Variants in DLL1 observed in about 807,000 individuals in gnomAD.
The protein encoded by DLL1 is delta like canonical Notch ligand 1, also known as delta-like protein 1.
Under a neutral mutation model 75.1 loss-of-function variants are expected in DLL1, and 9 were observed. The ratio of observed to expected loss-of-function variants is 0.12; its 90% CI spans 0.07 to 0.21. The LOEUF (loss-of-function observed/expected upper bound fraction) is 0.21, where lower values mean the gene tolerates loss of function less well. DLL1 is among the 10% of genes least tolerant of loss of function. DLL1 has a pLI of 1.00. For missense variants in DLL1, 837 were observed against 1,007.6 expected (o/e 0.83, Z 2.29); for synonymous variants, 477 against 418.3 (o/e 1.14, Z -1.71).
intron 8 of DLL1, among the ~76,000 whole-genome samples, chr6:170,284,609 T>C (rs2747760): frequency 0.81 from 122,936 of 152,140 alleles, 52,184 homozygotes; most frequent in Non-Finnish European, 0.95. Flanking sequence ...CAAGCTGGAG[T>C]GGCCGGCACC....
In DLL1 at chr6:170,289,686, G is replaced by T; in HGVS notation, c.177C>A (p.Phe59Leu). The T allele has an allele frequency of 6.5e-7, 1 of 1,546,716 alleles. No individual in the cohort carries two copies. The highest frequency in any genetic ancestry group is 2.4e-5 in the East Asian group (1 of 40,888). The change falls in exon 2 of 11, where the codon TTC (phenylalanine) becomes TTA (leucine). Residue 59 changes from phenylalanine (F) to leucine (L), a missense_variant. Phe to Leu is a conservative substitution (Grantham distance 22). This residue lies in a region of DLL1 where 304 missense variants were observed against 461.9 expected (regional missense o/e 0.66). Transcript: ENST00000366756. The stretch of plus-strand genomic sequence containing the variant: ...GGTAGTGCTTGAGGCACACGCGGAA[G>T]AAGGTCCGGCAGGCGCACGGCGGTG... ...AGPPPCACRT[F>L]FRVCLKHYQA...
chr6:170,290,098 G>A lies in DLL1; in HGVS notation c.42C>T (p.Ala14=), dbSNP rs764762347. 26 of 1,590,332 alleles carry A rather than the reference G, an allele frequency of 1.6e-5. No homozygotes were observed. The highest frequency in any genetic ancestry group is 2.1e-5 in the Non-Finnish European group (25 of 1,176,492). The change falls in exon 1 of 11, where the codon GCC becomes GCT. Residue 14 remains alanine (A), a synonymous_variant. Coordinates refer to ENST00000366756, the MANE Select transcript of DLL1 (RefSeq NM_005618.4). The surrounding 1 kb of genome is among the most constrained non-coding windows in gnomAD (Gnocchi z 4.7). ...CCTGCCCGCCTACCTGACACAGCAA[G>A]GCCGAGAGCACCGCCAGGGCCAGCG... is the stretch of plus-strand genomic sequence containing the variant. ...RCALALAVLS[A]LLCQVWSSGV...
At chr6:170,289,179 C>G (rs540095327) in intron 2 of DLL1, 1 of 623,514 alleles carries the variant, frequency 1.6e-6, no homozygotes, top group African/African-American at 1.8e-5. Flanking sequence ...ACCAACGCGT[C>G]TAGGAGTCGG....
At position 170,282,878 on chromosome 6, in the gene DLL1, A is replaced by AC; in HGVS notation, c.2167dup (p.Val723GlyfsTer6). On this transcript the variant is annotated frameshift_variant and splice_region_variant, in exon 11 of 11. Transcript: ENST00000366756. LOFTEE classifies it high-confidence loss of function. ...TCTTGCCATCTCACTTCCATTTTAC[A>AC]CCTGGGGGGCCACAAGACAAATGGG... is the stretch of plus-strand genomic sequence containing the variant. 1 of 1,614,094 alleles carries AC rather than the reference A, an allele frequency of 6.2e-7. No homozygotes were observed. The highest frequency in any genetic ancestry group is 1.1e-5 in the South Asian group (1 of 91,078).
At chr6:170,286,128 T>G (rs935520653) in intron 5 of DLL1, 110 bp downstream of exon 5, 1 of 1,345,924 alleles carries the variant, frequency 7.4e-7, no homozygotes, top group Non-Finnish European at 1.1e-6. Flanking sequence ...TCAATCAATC[T>G]TACTGGAGTT....
intron 2 of DLL1, 152 bp downstream of exon 2, chr6:170,289,360 C>G (rs1307964468): frequency 2.3e-6 from 3 of 1,284,200 alleles, no homozygotes; most frequent in South Asian, 1.3e-5. Flanking sequence ...GGGCTGGAGT[C>G]CTGGGGCCGC....
Position 170,285,645 on chromosome 6 carries a change from G to T in DLL1, c.786C>A (p.Gly262=). 1 of 1,614,094 alleles carries T rather than the reference G, an allele frequency of 6.2e-7. No individual in the cohort carries two copies. The highest frequency in any genetic ancestry group is 8.5e-7 in the Non-Finnish European group (1 of 1,180,036). Reference sequence around the variant, plus strand: ...GCTGCTGGCAGGTGCCATGGAGACAGCCTGGATAGCGGATACACTCGTCAC... The same window carrying T: ...GCTGCTGGCAGGTGCCATGGAGACATCCTGGATAGCGGATACACTCGTCAC... ...RYCDECIRYP[G]CLHGTCQQPW... is the part of the protein sequence containing the mutation. The change falls in exon 6 of 11, where the codon GGC becomes GGA. Residue 262 remains glycine, a synonymous_variant. Transcript: ENST00000366756.
chr6:170,282,998 A>G lies in DLL1; in HGVS notation c.2156T>C (p.Ile719Thr). 1.2e-6 allele frequency: 2 copies of G among 1,614,156 alleles called. No individual in the cohort carries two copies. Among genetic ancestry groups the G allele is most frequent in the Non-Finnish European group, 1.7e-6 (2 of 1,180,048 alleles). Residue 719 changes from isoleucine to threonine, a missense_variant, in exon 10 of 11, where the codon ATA becomes ACA. Physicochemically the swap from Ile to Thr is moderately conservative, Grantham distance 89. Around this residue, in one of 2 missense-constraint regions of DLL1, gnomAD observed 533 missense variants for 545.7 expected, o/e 0.98. Transcript: ENST00000366756. ...GCTGCCTGCACTGACCTCAGTTGCTATGACGCACTCATCCTTCTCCTCGGA... is the reference window on the plus strand; with the variant it reads ...GCTGCCTGCACTGACCTCAGTTGCTGTGACGCACTCATCCTTCTCCTCGGA... The part of the protein sequence containing the change: ...VISEEKDECV[I>T]ATEV
intron 2 of DLL1, chr6:170,289,119 G>A: frequency 1.7e-6 from 1 of 577,788 alleles, no homozygotes; most frequent in South Asian, 1.9e-5. Flanking sequence ...TTTCTTGGGG[G>A]ATGGGCACGC....
intron 4 of DLL1, among the ~76,000 whole-genome samples, chr6:170,287,244 G>C (rs1385183709): frequency 6.6e-6 from 1 of 152,182 alleles, no homozygotes; most frequent in African/African-American, 2.4e-5. Context: ...CAGTGAATGG[G>C]AAGACCCACC....
rs765702150 is a variant in DLL1 at position 170,283,069 on chromosome 6, G to C, written c.2085C>G (p.Gly695=). Residue 695 remains glycine, a synonymous_variant, in exon 10 of 11, where the codon GGC becomes GGG. Coordinates refer to ENST00000366756, the MANE Select transcript of DLL1 (RefSeq NM_005618.4). ...ACTTGGTGTCTTTTGAAGTTGAACA[G>C]CCCGAGTCCGGCCTTTTTCTTTCAG... is the stretch of plus-strand genomic sequence containing the variant. ...EASERKRPDS[G]CSTSKDTKYQ... 1 of 1,614,004 alleles carries C rather than the reference G, an allele frequency of 6.2e-7. No individual in the cohort carries two copies. Among genetic ancestry groups the C allele is most frequent in the Non-Finnish European group, 8.5e-7 (1 of 1,180,050 alleles).
At position 170,284,147 on chromosome 6, in the gene DLL1, T is replaced by C. The variant is rs532927730; in HGVS notation, c.1250-118A>G. On this transcript the variant is annotated intron_variant, in intron 8 of 10. Coordinates refer to ENST00000366756, the MANE Select transcript of DLL1 (RefSeq NM_005618.4). ...AACCAGACAAACCAAAGACAGTCTG[T>C]GGCCTGAATGAGTCCACAGCGCAAG... 52 of 1,326,246 alleles carry C rather than the reference T, an allele frequency of 3.9e-5. No homozygotes were observed. The African/African-American group carries it at 6.7e-4, about 17-fold the overall frequency. 82.2% of individuals were successfully genotyped at this position (1,326,246 alleles called of 1,614,324 possible).
intron 2 of DLL1, 31 bp from the exon 3 acceptor site, chr6:170,288,820 C>T (rs1271399056): frequency 1.9e-6 from 3 of 1,613,126 alleles, no homozygotes; most frequent in South Asian, 1.1e-5. Context: ...CGTTAGACAA[C>T]CCAGAAAGGT....
At position 170,290,123 on chromosome 6, in the gene DLL1, G is replaced by A; in HGVS notation, c.17C>T (p.Ala6Val). ...GGCCGAGAGCACCGCCAGGGCCAGC[G>A]CGCACCGACTGCCCATGCTGCTTCG... is the stretch of plus-strand genomic sequence containing the variant. MGSRC[A>V]LALAVLSALL... Residue 6 changes from alanine (A) to valine (V), a missense_variant, in exon 1 of 11, where the codon GCG (alanine) becomes GTG (valine). Physicochemically the swap from Ala to Val is moderately conservative, Grantham distance 64. Coordinates refer to ENST00000366756, the MANE Select transcript of DLL1 (RefSeq NM_005618.4). The surrounding 1 kb of genome is among the most constrained non-coding windows in gnomAD (Gnocchi z 4.7). 3 of 1,593,436 alleles carry A rather than the reference G, an allele frequency of 1.9e-6. No individual in the cohort carries two copies. The highest frequency in any genetic ancestry group is 2.5e-6 in the Non-Finnish European group (3 of 1,177,752).
intron 5 of DLL1, 31 bp from the exon 6 acceptor site, chr6:170,285,730 GTTGA>G: frequency 6.2e-7 from 1 of 1,613,912 alleles, no homozygotes; most frequent in Non-Finnish European, 8.5e-7. Flanking sequence ...TCAGATGGAC[GTTGA>G]CTGTTGCTGG....
chr6:170,288,531 C>G (rs1481171040), intron 3 of DLL1, 35 bp from the exon 4 acceptor site: 6 of 1,613,924 alleles, frequency 3.7e-6, no homozygotes, highest in African/African-American at 2.7e-5. Context: ...TGGTTCTGAA[C>G]GAGAACCCTG....
Position 170,282,731 on chromosome 6 carries a change from G to GGA in DLL1, c.*141_*142dup. 1.4e-6 allele frequency: 2 copies of GGA among 1,426,988 alleles called. No homozygotes were observed. Among genetic ancestry groups the GGA allele is most frequent in the Non-Finnish European group, 2.0e-6 (2 of 1,013,662 alleles). The allele number at this position is 1,426,988 out of a possible 1,614,324, so 88.4% of individuals were successfully genotyped here. On this transcript the variant is annotated 3_prime_UTR_variant, in exon 11 of 11. Coordinates refer to ENST00000366756, the MANE Select transcript of DLL1 (RefSeq NM_005618.4). Reference sequence around the variant, plus strand: ...TCGGCAGGCGTCGAGGACCTCAGGAGGAGAACCTGCTCGGTCTGAACTCGG... The same window carrying GGA: ...TCGGCAGGCGTCGAGGACCTCAGGAGGAGAGAACCTGCTCGGTCTGAACTCGG...
At chr6:170,285,224 G>T in intron 7 of DLL1, 30 bp downstream of exon 7, 1 of 1,614,116 alleles carries the variant, frequency 6.2e-7, no homozygotes. Flanking sequence ...CCCAGCTTCC[G>T]GGTGAGATGC....
At position 170,290,985 on chromosome 6, in the gene DLL1, A is replaced by C; in HGVS notation, c.-846T>G. On this transcript the variant is annotated 5_prime_UTR_variant, in exon 1 of 11. Coordinates refer to ENST00000366756, the MANE Select transcript of DLL1 (RefSeq NM_005618.4). The surrounding 1 kb of genome is among the most constrained non-coding windows in gnomAD (Gnocchi z 4.7). ...CAGCCGGCCGCCCGCATGGCTAATG[A>C]GATGCAAATCAGCAGCCCCCCAATC... 1.4e-6 allele frequency: 1 copy of C among 701,630 alleles called. No homozygotes were observed. The highest frequency in any genetic ancestry group is 1.5e-5 in the South Asian group (1 of 67,584). The allele number at this position is 701,630 out of a possible 1,614,324, so 43.5% of individuals were successfully genotyped here. A position where few individuals can be genotyped will look rare whatever the true frequency, so the allele number is the denominator to read the frequency against.
Sources: gnomAD v4.1 joint callset for allele counts (sites outside exome capture counted in the v4.1 genomes callset) on GRCh38, gnomAD v4.1.1 for gene constraint, gnomAD v4.1.1 regional missense constraint, Gnocchi (gnomAD v3.1) non-coding constraint, MANE v1.5 for transcripts, NCBI Gene and HGNC (gene_info 2026-07-23, HGNC 2026-07-21) for gene names.